WDR64: variants seen among roughly 807,000 people sequenced by gnomAD.
The protein encoded by WDR64 is WD repeat domain 64.
A neutral mutation model predicts 139.3 loss-of-function variants in WDR64; 112 were observed. The ratio of observed to expected loss-of-function variants is 0.80; its 90% confidence interval spans 0.69 to 0.94. The LOEUF is 0.94. Ranked by LOEUF, WDR64 falls within the 40% of genes least tolerant of loss-of-function variation. The pLI is 0.00. For synonymous variants in WDR64, 444 were observed against 437.7 expected, an observed-to-expected ratio of 1.01 and a Z score of -0.18; for missense variants, 1,206 against 1,293.1, an observed-to-expected ratio of 0.93 and a Z score of 1.03.
At chr1:241,706,514 C>T (rs78700818) in intron 8 of WDR64, among the ~76,000 whole-genome samples, 6,902 of 152,306 alleles carry the variant, frequency 0.045, 488 homozygotes, top group African/African-American at 0.16. Context: ...AACTACTTCT[C>T]ATCTGGGACA....
chr1:241,770,637 TC>T lies in WDR64; in HGVS notation c.2202del (p.Ile735TyrfsTer35). On this transcript the variant is annotated frameshift_variant, in exon 18 of 28. Coordinates refer to ENST00000437684, the MANE Select transcript of WDR64 (RefSeq NM_001367482.1). LOFTEE classifies it high-confidence loss of function. ...PECARRSSQD[S>X]ICSSSQCESS... The stretch of plus-strand genomic sequence containing the variant: ...CCCTTATAGGAGATCAAGTCAGGAT[TC>T]CATATGTTCTTCATCCCAGTGTGAA... 3 of 1,551,416 alleles carry T rather than the reference TC, an allele frequency of 1.9e-6. No individual in the cohort carries two copies. In the African/African-American group the frequency reaches 4.1e-5, roughly 21 times the overall value.
In WDR64 at chr1:241,791,755, C is replaced by T. The variant is rs73126019; in HGVS notation, c.2997+1059C>T. 6.4e-3 allele frequency among the ~76,000 whole-genome samples: 977 copies of T among 152,176 alleles called. 8 individuals are homozygous for T. The highest frequency in any genetic ancestry group is 0.022 in the African/African-American group (933 of 41,508). The stretch of plus-strand genomic sequence containing the variant: ...AGATAACACAGCATAATATGCTTGT[C>T]TCAAGGTTCTTAACATGAATCATAT... On this transcript the variant is annotated intron_variant, in intron 25 of 27. Coordinates refer to ENST00000437684, the MANE Select transcript of WDR64 (RefSeq NM_001367482.1).
At chr1:241,770,424 C>T in intron 17 of WDR64, 197 bp from the exon 18 acceptor site, 1 of 474,660 alleles carries the variant, frequency 2.1e-6, no homozygotes, top group Admixed American at 4.0e-5. Context: ...GCTGAGGCTC[C>T]CCAAGAGTCT....
At chr1:241,760,418 C>A (rs1435395393) in intron 15 of WDR64, among the ~76,000 whole-genome samples, 7 of 151,148 alleles carry the variant, frequency 4.6e-5, no homozygotes, top group Non-Finnish European at 7.4e-5. Context: ...CTCATCTACA[C>A]CCAGCTTCCC....
At chr1:241,743,601 A>G (rs1276246209) in intron 12 of WDR64, among the ~76,000 whole-genome samples, 1 of 152,104 alleles carries the variant, frequency 6.6e-6, no homozygotes, top group Non-Finnish European at 1.5e-5. Context: ...CTCCGCCACA[A>G]TACCTAGAGT....
intron 10 of WDR64, among the ~76,000 whole-genome samples, chr1:241,728,486 C>T (rs1668940621): frequency 6.6e-6 from 1 of 152,144 alleles, no homozygotes; most frequent in African/African-American, 2.4e-5. Flanking sequence ...AAGCAGAAAG[C>T]ATATAAATCG....
intron 1 of WDR64, among the ~76,000 whole-genome samples, chr1:241,659,825 T>A (rs762252090): frequency 6.6e-6 from 1 of 152,206 alleles, no homozygotes. Context: ...GTCAGATGGA[T>A]AGATTGCAAA....
chr1:241,673,374 A>G (rs1666318301), intron 3 of WDR64, among the ~76,000 whole-genome samples: 1 of 152,170 alleles, frequency 6.6e-6, no homozygotes, highest in Non-Finnish European at 1.5e-5. Context: ...GAAGGGGTGG[A>G]AGCAGAGAGA....
intron 6 of WDR64, among the ~76,000 whole-genome samples, chr1:241,682,315 T>G (rs1453048884): frequency 6.6e-6 from 1 of 152,226 alleles, no homozygotes; most frequent in Non-Finnish European, 1.5e-5. Context: ...AGGTGAGGGA[T>G]GAGGATCCAG....
intron 8 of WDR64, among the ~76,000 whole-genome samples, chr1:241,702,987 G>A (rs906272350): frequency 2.6e-5 from 4 of 152,098 alleles, no homozygotes; most frequent in African/African-American, 4.8e-5. Context: ...ACCCTCCCTT[G>A]CCCCTTGGGA....
intron 1 of WDR64, 88 bp from the exon 2 acceptor site, chr1:241,660,442 A>G (rs926400997): frequency 6.9e-7 from 1 of 1,444,946 alleles, no homozygotes; most frequent in South Asian, 1.3e-5. Flanking sequence ...AAAAGAAAAT[A>G]CAAGGTGAGG....
intron 9 of WDR64, among the ~76,000 whole-genome samples, chr1:241,717,620 G>GA (rs11346840): frequency 8.2e-4 from 118 of 143,402 alleles, no homozygotes; most frequent in South Asian, 1.8e-3. Context: ...ACGCAGAAAA[G>GA]AAAAAAAAAA....
intron 2 of WDR64, among the ~76,000 whole-genome samples, chr1:241,663,644 T>G (rs1573987003): frequency 6.6e-6 from 1 of 152,148 alleles, no homozygotes; most frequent in Non-Finnish European, 1.5e-5. Context: ...AAAACTAGAG[T>G]GGGGCCTTCC....
chr1:241,723,631 C>T (rs1332926931), intron 10 of WDR64, among the ~76,000 whole-genome samples, 195 bp downstream of exon 10: 7 of 151,792 alleles, frequency 4.6e-5, no homozygotes, highest in East Asian at 3.9e-4. Context: ...AGTAAGAACA[C>T]GTTTAAAAAC....
chr1:241,757,239 A>G (rs763679599), intron 14 of WDR64, 44 bp from the exon 15 acceptor site: 2 of 1,549,850 alleles, frequency 1.3e-6, no homozygotes, highest in South Asian at 1.2e-5. Flanking sequence ...AGTTCAAAAT[A>G]AAATAATTGA....
chr1:241,772,149 G>T (rs1658478659), intron 19 of WDR64, among the ~76,000 whole-genome samples: 1 of 148,396 alleles, frequency 6.7e-6, no homozygotes. Context: ...AACTTATACT[G>T]CATTTATACA....
At chr1:241,708,891 T>G (rs1668064161) in intron 8 of WDR64, among the ~76,000 whole-genome samples, 1 of 152,096 alleles carries the variant, frequency 6.6e-6, no homozygotes, top group African/African-American at 2.4e-5. Context: ...AATCAGATTT[T>G]GGAACGACTG....
intron 11 of WDR64, among the ~76,000 whole-genome samples, chr1:241,739,838 A>C (rs1669465454): frequency 1.3e-5 from 2 of 152,246 alleles, no homozygotes; most frequent in South Asian, 4.1e-4. Context: ...ACTTGACATC[A>C]GAATTACATG....
At chr1:241,799,226 C>CA (rs71174855) in intron 27 of WDR64, among the ~76,000 whole-genome samples, 18,856 of 64,150 alleles carry the variant, frequency 0.29, 1,757 homozygotes, top group Middle Eastern at 0.37. Flanking sequence ...AAAAAAAATA[C>CA]AAAAATTAGC....
Sources: allele counts gnomAD v4.1 joint callset (sites outside exome capture counted in the v4.1 genomes callset), GRCh38; gene constraint gnomAD v4.1.1; transcripts MANE v1.5; gene names NCBI Gene and HGNC (gene_info 2026-07-23, HGNC 2026-07-21).